Variants in MLLT1 observed in about 807,000 individuals in gnomAD.
The protein encoded by MLLT1 is protein ENL.
In MLLT1, 11 loss-of-function variants were observed where a neutral mutation model predicts 55.1. The observed-to-expected ratio is 0.20, with a 90% CI of 0.13 to 0.33. MLLT1 has a LOEUF of 0.33. Among genes scored for constraint, MLLT1 ranks in the 10% least tolerant of loss-of-function variants. MLLT1 has a pLI of 1.00. For missense variants in MLLT1, 536 were observed against 760.6 expected (o/e 0.70, Z 3.47); for synonymous variants, 323 against 320.1 (o/e 1.01, Z -0.10).
rs541205540 is a variant in MLLT1, at chr19:6,240,454, C to T, written c.277-9741G>A. 2.0e-5 allele frequency among the ~76,000 whole-genome samples: 3 copies of T among 152,356 alleles called. No homozygotes were observed. The highest frequency in any genetic ancestry group is 1.9e-4 in the East Asian group (1 of 5,186). ...GCGGGCTCCAAGCGGAGCTGGCACC[C>T]GGCGCAGGTGACGTTGCCCATCTGT... is the stretch of plus-strand genomic sequence containing the variant. On this transcript the variant is annotated intron_variant, in intron 3 of 11. Coordinates refer to ENST00000252674, the MANE Select transcript of MLLT1 (RefSeq NM_005934.4). This position sits in a 1 kb window ranked among gnomAD's most constrained non-coding sequence, Gnocchi z 4.7.
rs1362570345 is a variant in MLLT1 at position 6,212,216 on chromosome 19, G to GC, written c.*825dup. On this transcript the variant is annotated 3_prime_UTR_variant, in exon 12 of 12. Transcript: ENST00000252674. ...GAGAGCAGACTGGTGGCTCCCGGGC[G>GC]CCCTGAGGACTCGCTGCCCTTTGTA... is the stretch of plus-strand genomic sequence containing the variant. 1.9e-6 allele frequency: 2 copies of GC among 1,065,978 alleles called. No individual in the cohort carries two copies. The highest frequency in any genetic ancestry group is 5.0e-5 in the East Asian group (1 of 20,158). 66.0% of individuals were successfully genotyped at this position (1,065,978 alleles called of 1,614,324 possible).
chr19:6,265,057 CAAAAAAA>C (rs2091337792), intron 2 of MLLT1, among the ~76,000 whole-genome samples: 3 of 32,618 alleles, frequency 9.2e-5, no homozygotes, highest in South Asian at 1.3e-3. Flanking sequence ...AACAAAAAAA[CAAAAAAA>C]CAAAAAAAAA....
At chr19:6,277,702 G>A (rs779824219) in intron 1 of MLLT1, among the ~76,000 whole-genome samples, 5 of 152,120 alleles carry the variant, frequency 3.3e-5, no homozygotes, top group African/African-American at 9.7e-5. Flanking sequence ...GAACAGACAC[G>A]CTTCGGCCTA....
At chr19:6,225,710 G>A (rs1039812356) in intron 5 of MLLT1, among the ~76,000 whole-genome samples, 1 of 152,166 alleles carries the variant, frequency 6.6e-6, no homozygotes, top group African/African-American at 2.4e-5. Context: ...GGCCTCCAGG[G>A]GTCTCAGAGA....
In MLLT1 at chr19:6,230,474, C is replaced by A; in HGVS notation, c.420+96G>T. The A allele has an allele frequency of 1.4e-6, 2 of 1,468,444 alleles. No individual in the cohort carries two copies. Among genetic ancestry groups the A allele is most frequent in the Non-Finnish European group, 9.2e-7 (1 of 1,084,700 alleles). The allele number at this position is 1,468,444 out of a possible 1,614,324, so 91.0% of individuals were successfully genotyped here. A position where few individuals can be genotyped will look rare whatever the true frequency, so the allele number is the denominator to read the frequency against. ...GTGTGACCTGCGCCTTGGGTCTCGG[C>A]CCCCAGCACCGACACCTCTGGCTGG... On this transcript the variant is annotated intron_variant, in intron 4 of 11. Transcript: ENST00000252674. The surrounding 1 kb of genome is among the most constrained non-coding windows in gnomAD (Gnocchi z 9.0).
At chr19:6,249,285 T>TAAA (rs1228055840) in intron 3 of MLLT1, among the ~76,000 whole-genome samples, 2 of 151,802 alleles carry the variant, frequency 1.3e-5, no homozygotes, top group East Asian at 4.0e-4. Context: ...TTAACGCGGC[T>TAAA]AAAAAATAAT....
Position 6,226,964 on chromosome 19 carries a change from C to T in MLLT1, c.546+13G>A. On this transcript the variant is annotated intron_variant, in intron 5 of 11. Coordinates refer to ENST00000252674, the MANE Select transcript of MLLT1 (RefSeq NM_005934.4). The surrounding 1 kb of genome is among the most constrained non-coding windows in gnomAD (Gnocchi z 6.3). The stretch of plus-strand genomic sequence containing the variant: ...CGGCGCTCCCACGCGACTGGGCCTT[C>T]CGCCTCACTAACCTTGGAGCCGTGG... 1 of 1,583,946 alleles carries T rather than the reference C, an allele frequency of 6.3e-7. No homozygotes were observed.
chr19:6,251,986 C>T (rs542099767), intron 3 of MLLT1, among the ~76,000 whole-genome samples: 2 of 152,132 alleles, frequency 1.3e-5, no homozygotes, highest in Non-Finnish European at 1.5e-5. Flanking sequence ...CCTAGAGACC[C>T]GGTAAGGCAT....
intron 2 of MLLT1, among the ~76,000 whole-genome samples, chr19:6,268,042 A>T (rs1175272766): frequency 6.6e-6 from 1 of 152,226 alleles, no homozygotes; most frequent in Non-Finnish European, 1.5e-5. Flanking sequence ...CAAGATGAAG[A>T]AGTCATATGT....
At chr19:6,215,239 G>A (rs375999792) in intron 8 of MLLT1, among the ~76,000 whole-genome samples, 6 of 152,364 alleles carry the variant, frequency 3.9e-5, no homozygotes, top group East Asian at 1.9e-4. Flanking sequence ...ATCAAAAGGC[G>A]CTTCGCGTGT....
intron 3 of MLLT1, among the ~76,000 whole-genome samples, chr19:6,251,616 C>T (rs1474662602): frequency 2.0e-5 from 3 of 152,140 alleles, no homozygotes; most frequent in Non-Finnish European, 4.4e-5. Flanking sequence ...TAGATGTCAA[C>T]TTGACTGAAT....
intron 2 of MLLT1, among the ~76,000 whole-genome samples, chr19:6,263,919 G>T (rs1312257975): frequency 4.0e-5 from 6 of 150,382 alleles, no homozygotes; most frequent in Admixed American, 4.0e-4. Flanking sequence ...AAAGCTGGGG[G>T]AGGGAAAGGG....
rs148660850 is a variant in MLLT1 at position 6,213,328 on chromosome 19, G to A, written c.1551+9C>T. On this transcript the variant is annotated intron_variant, in intron 11 of 11. Transcript: ENST00000252674. Reference sequence around the variant, plus strand: ...CCTCTGCCGGGCAGGACCCTCAGGGGGGCGATACCTGCTGCAGCACGTTGC... The same window carrying A: ...CCTCTGCCGGGCAGGACCCTCAGGGAGGCGATACCTGCTGCAGCACGTTGC... 1.6e-4 allele frequency: 262 copies of A among 1,612,268 alleles called. No homozygotes were observed. In the Middle Eastern group the frequency reaches 2.8e-3, roughly 17 times the overall value.
chr19:6,219,295 C>A lies in MLLT1; in HGVS notation c.1111-1254G>T, dbSNP rs188250181. ...CTGCCAGCGCCCCTTCCCACCAACA[C>A]ATGGCGCTCCCTGATGAATCATCAC... On this transcript the variant is annotated intron_variant, in intron 6 of 11. Transcript: ENST00000252674. This position sits in a 1 kb window ranked among gnomAD's most constrained non-coding sequence, Gnocchi z 4.5. 6.6e-6 allele frequency among the ~76,000 whole-genome samples: 1 copy of A among 152,194 alleles called. No individual in the cohort carries two copies. The highest frequency in any genetic ancestry group is 1.5e-5 in the Non-Finnish European group (1 of 68,038).
At chr19:6,271,749 CA>C (rs1176563352) in intron 1 of MLLT1, among the ~76,000 whole-genome samples, 1 of 152,262 alleles carries the variant, frequency 6.6e-6, no homozygotes, top group African/African-American at 2.4e-5. Flanking sequence ...GCCAAGCGCA[CA>C]CTTGCTTCTA....
Position 6,212,896 on chromosome 19 carries a change from A to G in MLLT1, c.*146T>C. 1.8e-6 allele frequency: 2 copies of G among 1,122,972 alleles called. No homozygotes were observed. Among genetic ancestry groups the G allele is most frequent in the Non-Finnish European group, 2.5e-6 (2 of 813,716 alleles). The allele number at this position is 1,122,972 out of a possible 1,614,324, so 69.6% of individuals were successfully genotyped here. A position where few individuals can be genotyped will look rare whatever the true frequency, so the allele number is the denominator to read the frequency against. ...GGGGAGAGTGGGCAGGGAGCCGCCG[A>G]GGAAAGTGCAGCGGGCTGTGCGGGC... is the stretch of plus-strand genomic sequence containing the variant. On this transcript the variant is annotated 3_prime_UTR_variant, in exon 12 of 12. Transcript: ENST00000252674.
chr19:6,236,707 CA>C (rs1429359099), intron 3 of MLLT1, among the ~76,000 whole-genome samples: 2 of 152,320 alleles, frequency 1.3e-5, no homozygotes, highest in East Asian at 3.9e-4. Flanking sequence ...AGGAGCATCC[CA>C]GGGGGCTGCG....
At chr19:6,223,897 G>A (rs2090929349) in intron 5 of MLLT1, among the ~76,000 whole-genome samples, 2 of 152,262 alleles carry the variant, frequency 1.3e-5, no homozygotes, top group South Asian at 2.1e-4. Flanking sequence ...GGTGCACGGC[G>A]GCCCCAGAGC....
In MLLT1 at chr19:6,222,448, G is replaced by T; in HGVS notation, c.783C>A (p.Thr261=). The change falls in exon 6 of 12, where the codon ACC becomes ACA. Residue 261 remains threonine, a synonymous_variant. Coordinates refer to ENST00000252674, the MANE Select transcript of MLLT1 (RefSeq NM_005934.4). This position sits in a 1 kb window ranked among gnomAD's most constrained non-coding sequence, Gnocchi z 4.1. ...FKEPKMALKE[T]KLESTSPKGG... is the part of the protein sequence containing the mutation. Reference sequence around the variant, plus strand: ...CCTTGGGGGACGTGCTTTCCAGCTTGGTCTCTTTCAGGGCCATCTTGGGTT... The same window carrying T: ...CCTTGGGGGACGTGCTTTCCAGCTTTGTCTCTTTCAGGGCCATCTTGGGTT... The T allele has an allele frequency of 6.4e-7, 1 of 1,566,714 alleles. No individual in the cohort carries two copies. The highest frequency in any genetic ancestry group is 8.6e-7 in the Non-Finnish European group (1 of 1,159,536).
Sources: gnomAD v4.1 joint callset for allele counts (sites outside exome capture counted in the v4.1 genomes callset) on GRCh38, gnomAD v4.1.1 for gene constraint, Gnocchi (gnomAD v3.1) non-coding constraint, MANE v1.5 for transcripts, NCBI Gene and HGNC (gene_info 2026-07-23, HGNC 2026-07-21) for gene names.